The following RUNX2 variants were observed in gnomAD, a reference collection of about 807,000 sequenced individuals.
RUNX2 encodes RUNX family transcription factor 2, also known as runt-related transcription factor 2.
Under a neutral mutation model 51.7 loss-of-function variants are expected in RUNX2, and 10 were observed. That is an observed-to-expected ratio of 0.19 (90% CI 0.12 to 0.33). RUNX2 has a LOEUF of 0.33. Ranked by LOEUF, RUNX2 falls within the 10% of genes least tolerant of loss-of-function variation. The probability of loss-of-function intolerance (pLI) is 1.00; values close to 1 mark genes in which losing one functional copy is unlikely to be tolerated. For synonymous variants in RUNX2, 276 were observed against 273.6 expected (o/e 1.01, Z -0.09); for missense variants, 562 against 691.3 (o/e 0.81, Z 2.10).
At chr6:45,455,917 T>C (rs1360717553) in intron 5 of RUNX2, among the ~76,000 whole-genome samples, 2 of 152,216 alleles carry the variant, frequency 1.3e-5, no homozygotes, top group East Asian at 3.8e-4. Context: ...GTAATCATAC[T>C]TTTAGTTTTT....
At chr6:45,427,038 G>T (rs1482584070) in intron 3 of RUNX2, among the ~76,000 whole-genome samples, 3 of 152,058 alleles carry the variant, frequency 2.0e-5, no homozygotes, top group Non-Finnish European at 4.4e-5. Flanking sequence ...TAAATCAATA[G>T]ATTTCAAGTT....
intron 5 of RUNX2, among the ~76,000 whole-genome samples, chr6:45,466,747 G>A (rs1382107441): frequency 1.3e-5 from 2 of 152,126 alleles, no homozygotes; most frequent in Admixed American, 6.5e-5. Flanking sequence ...TTTTTGTTAG[G>A]AATGCTTCAT....
intron 6 of RUNX2, among the ~76,000 whole-genome samples, chr6:45,507,860 A>T (rs761059100): frequency 1.3e-5 from 2 of 152,248 alleles, no homozygotes; most frequent in Non-Finnish European, 2.9e-5. Context: ...ATATAAAATG[A>T]AGGTTCAGTA....
At chr6:45,419,855 G>C (rs1328153311) in intron 2 of RUNX2, among the ~76,000 whole-genome samples, 1 of 152,084 alleles carries the variant, frequency 6.6e-6, no homozygotes, top group Non-Finnish European at 1.5e-5. Flanking sequence ...AGGTGTCATA[G>C]CCGGTGGCGC....
At chr6:45,370,487 T>A (rs1457863543) in intron 2 of RUNX2, among the ~76,000 whole-genome samples, 1 of 152,092 alleles carries the variant, frequency 6.6e-6, no homozygotes, top group Admixed American at 6.5e-5. Flanking sequence ...TTGTGAGAGA[T>A]GTTGTAAAGC....
At chr6:45,446,055 C>T (rs986977978) in intron 5 of RUNX2, among the ~76,000 whole-genome samples, 4 of 152,084 alleles carry the variant, frequency 2.6e-5, no homozygotes, top group Admixed American at 1.3e-4. Context: ...CACATTCCTT[C>T]GCTCGCAGAC....
intron 2 of RUNX2, among the ~76,000 whole-genome samples, chr6:45,357,775 T>A (rs1793505831): frequency 6.6e-6 from 1 of 152,112 alleles, no homozygotes; most frequent in Admixed American, 6.6e-5. Context: ...TCTAGCTACA[T>A]AAAAATGAGA....
intron 5 of RUNX2, among the ~76,000 whole-genome samples, chr6:45,477,143 G>T (rs1799978795): frequency 6.6e-6 from 1 of 152,192 alleles, no homozygotes; most frequent in South Asian, 2.1e-4. Context: ...AGTGGCCACT[G>T]CATGGGTTGT....
intron 5 of RUNX2, among the ~76,000 whole-genome samples, chr6:45,459,154 T>C (rs1306935631): frequency 6.6e-6 from 1 of 152,196 alleles, no homozygotes; most frequent in African/African-American, 2.4e-5. Flanking sequence ...GTTCTTGCCA[T>C]AAAGAACCCC....
At chr6:45,531,619 G>A (rs2150439139) in intron 7 of RUNX2, among the ~76,000 whole-genome samples, 1 of 152,174 alleles carries the variant, frequency 6.6e-6, no homozygotes, top group East Asian at 1.9e-4. Context: ...CAGGCGTGGT[G>A]GTGCGCACCT....
chr6:45,382,103 A>G (rs1432471102), intron 2 of RUNX2, among the ~76,000 whole-genome samples: 1 of 152,210 alleles, frequency 6.6e-6, no homozygotes, highest in Non-Finnish European at 1.5e-5. Flanking sequence ...CTCTTCAGGC[A>G]CATGAAAACT....
chr6:45,339,949 T>C (rs1439424776), intron 2 of RUNX2, among the ~76,000 whole-genome samples: 2 of 152,184 alleles, frequency 1.3e-5, no homozygotes, highest in Admixed American at 6.6e-5. Flanking sequence ...AACTCCCTTA[T>C]ATGAGACATG....
At chr6:45,399,079 C>T (rs1239639920) in intron 2 of RUNX2, among the ~76,000 whole-genome samples, 3 of 152,104 alleles carry the variant, frequency 2.0e-5, no homozygotes, top group Non-Finnish European at 4.4e-5. Context: ...GTTGCTGGGA[C>T]TCAATTAGAA....
chr6:45,482,473 T>C (rs4711816), intron 5 of RUNX2, among the ~76,000 whole-genome samples: 62,537 of 152,130 alleles, frequency 0.41, 13,853 homozygotes, highest in African/African-American at 0.59. Context: ...AAATTAACAT[T>C]GTACAATTCT....
chr6:45,520,975 C>T (rs1801490193), intron 7 of RUNX2, among the ~76,000 whole-genome samples: 2 of 152,196 alleles, frequency 1.3e-5, no homozygotes, highest in African/African-American at 4.8e-5. Context: ...CTCGGCCTCC[C>T]AAAGTGCTGG....
intron 2 of RUNX2, among the ~76,000 whole-genome samples, chr6:45,413,149 T>C (rs976465386): frequency 6.6e-6 from 1 of 152,194 alleles, no homozygotes; most frequent in African/African-American, 2.4e-5. Context: ...GATACACTTA[T>C]GGGAATGAAA....
At chr6:45,453,325 C>T (rs558852856) in intron 5 of RUNX2, among the ~76,000 whole-genome samples, 36 of 152,258 alleles carry the variant, frequency 2.4e-4, no homozygotes, top group African/African-American at 5.5e-4. Flanking sequence ...TTCTCAAACA[C>T]GTTGCTATAG....
At chr6:45,507,316 G>C (rs1056422025) in intron 6 of RUNX2, among the ~76,000 whole-genome samples, 2 of 152,096 alleles carry the variant, frequency 1.3e-5, no homozygotes, top group Non-Finnish European at 2.9e-5. Flanking sequence ...TCAGAGCTAG[G>C]CCTTGTATCT....
At chr6:45,411,973 GTCAC>G (rs1797960339) in intron 2 of RUNX2, among the ~76,000 whole-genome samples, 2 of 152,138 alleles carry the variant, frequency 1.3e-5, no homozygotes, top group Non-Finnish European at 2.9e-5. Flanking sequence ...TAAGAATAAT[GTCAC>G]TCAATAGCAT....
Sources: gnomAD v4.1 joint callset for allele counts (sites outside exome capture counted in the v4.1 genomes callset) on GRCh38, gnomAD v4.1.1 for gene constraint, MANE v1.5 for transcripts, NCBI Gene and HGNC (gene_info 2026-07-23, HGNC 2026-07-21) for gene names.